Variants in CDH18 observed in about 807,000 individuals in gnomAD.
The protein encoded by CDH18 is cadherin 18.
A neutral mutation model predicts 67.9 loss-of-function variants in CDH18; 31 were observed. That is an observed-to-expected ratio of 0.46 (90% CI 0.34 to 0.62). CDH18 has a LOEUF of 0.62. Among genes scored for constraint, CDH18 ranks in the 20% least tolerant of loss-of-function variants. CDH18 has a pLI of 0.01. For synonymous variants in CDH18, 362 were observed against 347.2 expected (o/e 1.04, Z -0.48); for missense variants, 890 against 975.5 (o/e 0.91, Z 1.17).
intron 2 of CDH18, among the ~76,000 whole-genome samples, chr5:20,222,039 A>T (rs918656812): frequency 6.6e-6 from 1 of 152,212 alleles, no homozygotes; most frequent in East Asian, 1.9e-4. Flanking sequence ...ACGTCACAAG[A>T]GTTGCTCTTC....
intron 2 of CDH18, among the ~76,000 whole-genome samples, chr5:19,953,767 T>C (rs1796009065): frequency 6.6e-6 from 1 of 152,048 alleles, no homozygotes; most frequent in South Asian, 2.1e-4. Context: ...CATTCTTCCA[T>C]AGCCTTTTGC....
intron 2 of CDH18, among the ~76,000 whole-genome samples, chr5:19,927,263 G>A (rs1793191260): frequency 6.6e-6 from 1 of 152,144 alleles, no homozygotes; most frequent in Admixed American, 6.6e-5. Flanking sequence ...AGAGAGTAAG[G>A]ACATCATTAC....
At chr5:19,834,046 G>A (rs1227942343) in intron 3 of CDH18, among the ~76,000 whole-genome samples, 1 of 152,050 alleles carries the variant, frequency 6.6e-6, no homozygotes, top group Admixed American at 6.6e-5. Flanking sequence ...ATGAGTTAGG[G>A]AGGAGTCCCT....
intron 2 of CDH18, among the ~76,000 whole-genome samples, chr5:20,091,267 T>C (rs1254355652): frequency 6.6e-6 from 1 of 152,010 alleles, no homozygotes; most frequent in Non-Finnish European, 1.5e-5. Flanking sequence ...CCAGGATCTC[T>C]TGAGGCCAGG....
rs531693106 is a variant in CDH18 at position 20,304,970 on chromosome 5, C to T, written c.-579-49465G>A. 46 of 1,613,882 alleles carry T rather than the reference C, an allele frequency of 2.9e-5. No homozygotes were observed. In the Admixed American group the frequency reaches 5.3e-4, roughly 19 times the overall value. ...TCCCGCACGGAGCAGTTCAAGGCGG[C>T]CAACTGCTTGTGATAGGCATTTCTG... On this transcript the variant is annotated intron_variant, in intron 1 of 14. Coordinates refer to the CDH18 transcript ENST00000507958.
chr5:20,228,789 G>A (rs1279158052), intron 2 of CDH18, among the ~76,000 whole-genome samples: 2 of 151,952 alleles, frequency 1.3e-5, no homozygotes, highest in African/African-American at 4.8e-5. Flanking sequence ...CAAATGACAG[G>A]GTTTTCTTAT....
chr5:19,549,664 G>GAGGGAGGGAA (rs1303617032), intron 8 of CDH18, among the ~76,000 whole-genome samples: 1 of 137,552 alleles, frequency 7.3e-6, no homozygotes, highest in Non-Finnish European at 1.6e-5. Flanking sequence ...GGAAGGAAGG[G>GAGGGAGGGAA]AGGGAGGGAG....
intron 2 of CDH18, among the ~76,000 whole-genome samples, chr5:20,134,340 T>C (rs1467617992): frequency 6.6e-6 from 1 of 152,162 alleles, no homozygotes; most frequent in Non-Finnish European, 1.5e-5. Flanking sequence ...GCTATTTACA[T>C]TTCAGTTTGG....
intron 1 of CDH18, among the ~76,000 whole-genome samples, chr5:20,544,291 G>T (rs995870476): frequency 6.6e-6 from 1 of 152,010 alleles, no homozygotes; most frequent in Admixed American, 6.6e-5. Context: ...GAATTCAAAT[G>T]CAAATCAAGC....
At chr5:20,198,819 C>T (rs538796738) in intron 2 of CDH18, among the ~76,000 whole-genome samples, 1 of 152,288 alleles carries the variant, frequency 6.6e-6, no homozygotes, top group South Asian at 2.1e-4. Flanking sequence ...ACTTGGTGCC[C>T]TGTGACCCAG....
chr5:19,908,580 G>A (rs549439122), intron 2 of CDH18, among the ~76,000 whole-genome samples: 1 of 152,054 alleles, frequency 6.6e-6, no homozygotes, highest in East Asian at 1.9e-4. Flanking sequence ...ATATTGAACT[G>A]TTAGAAAAAT....
chr5:19,489,548 A>G (rs1378838557), intron 11 of CDH18, among the ~76,000 whole-genome samples: 2 of 151,920 alleles, frequency 1.3e-5, no homozygotes, highest in South Asian at 2.1e-4. Context: ...CGCCTGGCCA[A>G]TATTTGTTCT....
At chr5:20,513,912 G>A (rs1005740708) in intron 1 of CDH18, among the ~76,000 whole-genome samples, 6 of 152,062 alleles carry the variant, frequency 3.9e-5, no homozygotes, top group Non-Finnish European at 7.4e-5. Flanking sequence ...CTAGAAAATA[G>A]TTTAAAGCTA....
chr5:19,928,945 C>T (rs908422070), intron 2 of CDH18, among the ~76,000 whole-genome samples: 2 of 151,462 alleles, frequency 1.3e-5, no homozygotes, highest in African/African-American at 4.8e-5. Flanking sequence ...TGAAAGAGAC[C>T]TAAATCATTT....
At chr5:19,893,651 AG>A (rs67925455) in intron 2 of CDH18, among the ~76,000 whole-genome samples, 74,642 of 151,780 alleles carry the variant, frequency 0.49, 18,451 homozygotes, top group Middle Eastern at 0.65. Flanking sequence ...AATATTAGGG[AG>A]GGCACAACTG....
chr5:19,606,922 A>T (rs1404483531), intron 6 of CDH18, among the ~76,000 whole-genome samples: 1 of 151,792 alleles, frequency 6.6e-6, no homozygotes, highest in Non-Finnish European at 1.5e-5. Flanking sequence ...ATATCTTAAT[A>T]GAAGAAAGGT....
chr5:20,035,579 C>T (rs1263983535), intron 2 of CDH18, among the ~76,000 whole-genome samples: 1 of 151,846 alleles, frequency 6.6e-6, no homozygotes, highest in East Asian at 1.9e-4. Flanking sequence ...TTTATAAAAC[C>T]ATCAGATCTC....
At chr5:20,102,919 C>T (rs1029623743) in intron 2 of CDH18, among the ~76,000 whole-genome samples, 31 of 152,050 alleles carry the variant, frequency 2.0e-4, no homozygotes, top group African/African-American at 7.0e-4. Context: ...TTGGCTCAAA[C>T]CTAATAAGTT....
intron 4 of CDH18, among the ~76,000 whole-genome samples, chr5:19,736,103 T>G (rs2150669347): frequency 6.6e-6 from 1 of 152,292 alleles, no homozygotes; most frequent in South Asian, 2.1e-4. Context: ...GCACTTGAAA[T>G]AATGGACCAG....
Sources: allele counts gnomAD v4.1 joint callset (sites outside exome capture counted in the v4.1 genomes callset), GRCh38; gene constraint gnomAD v4.1.1; transcripts MANE v1.5; gene names NCBI Gene and HGNC (gene_info 2026-07-23, HGNC 2026-07-21).